The following BASP1 variants were observed in gnomAD, a reference collection of about 807,000 sequenced individuals.
The protein encoded by BASP1 is brain abundant membrane attached signal protein 1.
In BASP1, 1 loss-of-function variant was observed where a neutral mutation model predicts 2.2. The observed-to-expected ratio is 0.46, with a 90% CI of 0.16 to 2.17. The LOEUF (loss-of-function observed/expected upper bound fraction) is 2.17. Ranked by LOEUF, BASP1 falls within the 30% of genes most tolerant of loss-of-function variation. The pLI is 0.27. For missense variants in BASP1, 352 were observed against 327.2 expected, an observed-to-expected ratio of 1.08 and a Z score of -0.58; for synonymous variants, 187 against 154.2, an observed-to-expected ratio of 1.21 and a Z score of -1.58.
chr5:17,225,100 G>A (rs185074131), intron 1 of BASP1, among the ~76,000 whole-genome samples: 7 of 152,264 alleles, frequency 4.6e-5, no homozygotes, highest in Non-Finnish European at 7.4e-5. Context: ...AGAGTCCCAC[G>A]AGCTGCTTAT....
chr5:17,225,271 TA>T (rs3215105), intron 1 of BASP1, among the ~76,000 whole-genome samples: 13 of 146,698 alleles, frequency 8.9e-5, no homozygotes, highest in Non-Finnish European at 1.4e-4. Flanking sequence ...CTAGAACCAT[TA>T]AAAAAAAAAC....
At position 17,259,997 on chromosome 5, in the gene BASP1, G is replaced by C. The variant is rs1579498243; in HGVS notation, c.-9-15211G>C. Among the ~76,000 whole-genome samples the C allele has an allele frequency of 2.0e-5, 3 of 152,302 alleles. No individual in the cohort carries two copies. The South Asian group carries it at 6.2e-4, about 32-fold the overall frequency. On this transcript the variant is annotated intron_variant, in intron 1 of 1. Coordinates refer to ENST00000322611, the MANE Select transcript of BASP1 (RefSeq NM_006317.5). ...AAATGGTACAGAAATGATCTCTGCA[G>C]TTTGCATTTCCTGAGCGGGTTGTGG...
intron 1 of BASP1, among the ~76,000 whole-genome samples, chr5:17,241,791 G>C (rs1739868030): frequency 6.6e-6 from 1 of 152,144 alleles, no homozygotes; most frequent in South Asian, 2.1e-4. Flanking sequence ...GACCTGTGGG[G>C]ACAGTTCACA....
chr5:17,232,709 G>A (rs2962372), intron 1 of BASP1, among the ~76,000 whole-genome samples: 35,783 of 151,884 alleles, frequency 0.24, 4,359 homozygotes, highest in East Asian at 0.33. Flanking sequence ...CATCACCGTG[G>A]ATTTTTCTTT....
At chr5:17,263,316 A>C (rs1281248890) in intron 1 of BASP1, among the ~76,000 whole-genome samples, 2 of 151,220 alleles carry the variant, frequency 1.3e-5, no homozygotes, top group East Asian at 2.0e-4. Flanking sequence ...TCCTTTTCTA[A>C]TAGAGACAGG....
intron 1 of BASP1, among the ~76,000 whole-genome samples, chr5:17,229,607 T>TGG (rs1739582104): frequency 6.6e-6 from 1 of 152,174 alleles, no homozygotes; most frequent in African/African-American, 2.4e-5. Flanking sequence ...AAGGGAAGTC[T>TGG]GGGAGAGGCT....
chr5:17,241,098 CTTTT>C (rs1168059951), intron 1 of BASP1, among the ~76,000 whole-genome samples: 1 of 140,780 alleles, frequency 7.1e-6, no homozygotes. Context: ...TGACATTTTC[CTTTT>C]TTTTTTTTTT....
At position 17,260,165 on chromosome 5, in the gene BASP1, CAT is replaced by C. The variant is rs923393110; in HGVS notation, c.-9-15040_-9-15039del. Among the ~76,000 whole-genome samples, 1 of 152,160 alleles carries C rather than the reference CAT, an allele frequency of 6.6e-6. No individual in the cohort carries two copies. Among genetic ancestry groups the C allele is most frequent in the Non-Finnish European group, 1.5e-5 (1 of 68,032 alleles). On this transcript the variant is annotated intron_variant, in intron 1 of 1. Coordinates refer to ENST00000322611, the MANE Select transcript of BASP1 (RefSeq NM_006317.5). The surrounding 1 kb of genome is among the most constrained non-coding windows in gnomAD (Gnocchi z 4.2). ...TGAACACACAGCAGACTCTAAAAAGCATATTAGACTATTGACGAGAATGAATA... is the reference window on the plus strand; with the variant it reads ...TGAACACACAGCAGACTCTAAAAAGCATTAGACTATTGACGAGAATGAATA...
chr5:17,265,408 C>G (rs1561176332), intron 1 of BASP1, among the ~76,000 whole-genome samples: 2 of 152,172 alleles, frequency 1.3e-5, no homozygotes, highest in African/African-American at 4.8e-5. Context: ...GCATATCAAA[C>G]CTTCTAAAAT....
In BASP1 at chr5:17,256,307, A is replaced by G. The variant is rs1740208842; in HGVS notation, c.-9-18901A>G. ...GTTTAAGGCCACACTGTCAGAATTT[A>G]GCTCACAGGCTAGCATCGGCTCTGC... On this transcript the variant is annotated intron_variant, in intron 1 of 1. Coordinates refer to ENST00000322611, the MANE Select transcript of BASP1 (RefSeq NM_006317.5). 2.0e-5 allele frequency among the ~76,000 whole-genome samples: 3 copies of G among 152,366 alleles called. No homozygotes were observed. In the South Asian group the frequency reaches 6.2e-4, roughly 32 times the overall value.
rs140282786 is a variant in BASP1 at position 17,241,446 on chromosome 5, A to G, written c.-10+23636A>G. ...ACAGCAGCTAGGTGGGGTGGATTCT[A>G]TTATTATCCCATTGTACAAATGAAG... is the stretch of plus-strand genomic sequence containing the variant. On this transcript the variant is annotated intron_variant, in intron 1 of 1. Transcript: ENST00000322611. Among the ~76,000 whole-genome samples the G allele has an allele frequency of 4.5e-4, 69 of 152,268 alleles. 1 individual carries two copies. The highest frequency in any genetic ancestry group is 1.6e-3 in the African/African-American group (67 of 41,540).
At chr5:17,245,265 A>G (rs1335172690) in intron 1 of BASP1, among the ~76,000 whole-genome samples, 2 of 149,680 alleles carry the variant, frequency 1.3e-5, no homozygotes, top group Non-Finnish European at 3.0e-5. Context: ...TCACACCATT[A>G]CACTCTAGCC....
chr5:17,221,318 A>G (rs1298661367), intron 1 of BASP1, among the ~76,000 whole-genome samples: 1 of 152,124 alleles, frequency 6.6e-6, no homozygotes, highest in Non-Finnish European at 1.5e-5. Context: ...TACTAAATAA[A>G]AGATTTATAA....
intron 1 of BASP1, among the ~76,000 whole-genome samples, chr5:17,218,045 G>A (rs560103663): frequency 1.1e-3 from 172 of 151,996 alleles, no homozygotes; most frequent in African/African-American, 4.0e-3. Flanking sequence ...CGCTCGCATG[G>A]TGGAGGGGTG....
chr5:17,252,817 G>T (rs991635470), intron 1 of BASP1, among the ~76,000 whole-genome samples: 1 of 152,200 alleles, frequency 6.6e-6, no homozygotes, highest in Non-Finnish European at 1.5e-5. Flanking sequence ...TAGGAACTGA[G>T]TCACTAGTGA....
At chr5:17,248,725 C>T (rs186980696) in intron 1 of BASP1, among the ~76,000 whole-genome samples, 76 of 152,258 alleles carry the variant, frequency 5.0e-4, no homozygotes, top group Non-Finnish European at 8.7e-4. Context: ...TCCTAAAACA[C>T]GCATATTTAT....
chr5:17,262,875 C>G lies in BASP1; in HGVS notation c.-9-12333C>G, dbSNP rs1740343846. ...CTTTTTTTTTTTTTTGAGAAGGAGT[C>G]TTGCTCTGGCGCCCAGGCTGGAGTG... On this transcript the variant is annotated intron_variant, in intron 1 of 1. Transcript: ENST00000322611. Among the ~76,000 whole-genome samples, 7 of 148,914 alleles carry G rather than the reference C, an allele frequency of 4.7e-5. No homozygotes were observed. In the South Asian group the frequency reaches 1.3e-3, roughly 27 times the overall value.
At position 17,238,573 on chromosome 5, in the gene BASP1, T is replaced by C. The variant is rs188048475; in HGVS notation, c.-10+20763T>C. Among the ~76,000 whole-genome samples, 75 of 152,300 alleles carry C rather than the reference T, an allele frequency of 4.9e-4. No homozygotes were observed. The Middle Eastern group carries it at 0.01, about 21-fold the overall frequency. On this transcript the variant is annotated intron_variant, in intron 1 of 1. Coordinates refer to ENST00000322611, the MANE Select transcript of BASP1 (RefSeq NM_006317.5). Reference sequence around the variant, plus strand: ...TAAAAATGCTCGCCTGATCCCCAGATAGTCTCATCTGAATGTACTGAGGCA... The same window carrying C: ...TAAAAATGCTCGCCTGATCCCCAGACAGTCTCATCTGAATGTACTGAGGCA...
rs1740300452 is a variant in BASP1, at chr5:17,260,931, T to C, written c.-9-14277T>C. Among the ~76,000 whole-genome samples, 1 of 152,210 alleles carries C rather than the reference T, an allele frequency of 6.6e-6. No homozygotes were observed. The highest frequency in any genetic ancestry group is 1.9e-4 in the East Asian group (1 of 5,194). The stretch of plus-strand genomic sequence containing the variant: ...TGGCTAACACCTGTAATCCCAGCAC[T>C]TTGGGAGACCAGGGTGGGAGGATTG... On this transcript the variant is annotated intron_variant, in intron 1 of 1. Transcript: ENST00000322611. This position sits in a 1 kb window ranked among gnomAD's most constrained non-coding sequence, Gnocchi z 4.2.
Sources: gnomAD v4.1 joint callset for allele counts (sites outside exome capture counted in the v4.1 genomes callset) on GRCh38, gnomAD v4.1.1 for gene constraint, Gnocchi (gnomAD v3.1) non-coding constraint, MANE v1.5 for transcripts, NCBI Gene and HGNC (gene_info 2026-07-23, HGNC 2026-07-21) for gene names.